ZNF735: variants seen among roughly 807,000 people sequenced by gnomAD.
ZNF735 encodes the protein zinc finger protein 735.
ZNF735 carries 11 observed loss-of-function variants against 13.4 expected under a neutral mutation model. That is an observed-to-expected ratio of 0.82 (90% CI 0.52 to 1.36). The LOEUF (loss-of-function observed/expected upper bound fraction) is 1.36. Ranked by LOEUF, ZNF735 falls within the 40% of genes most tolerant of loss-of-function variation. ZNF735 has a pLI of 0.00. For missense variants in ZNF735, 500 were observed against 484.6 expected (o/e 1.03, Z -0.30); for synonymous variants, 171 against 162.6 (o/e 1.05, Z -0.39).
intron 1 of ZNF735, among the ~76,000 whole-genome samples, chr7:64,211,008 C>G (rs1787353810): frequency 6.6e-6 from 1 of 152,118 alleles, no homozygotes; most frequent in Non-Finnish European, 1.5e-5. Context: ...GTCCACTCTG[C>G]CTTTTGGAAT....
intron 3 of ZNF735, 74 bp downstream of exon 3, chr7:64,214,182 T>A: frequency 1.3e-6 from 2 of 1,489,304 alleles, no homozygotes; most frequent in Non-Finnish European, 1.8e-6. Context: ...GTCTTTAAAA[T>A]GTGGTCTGCA....
At chr7:64,218,822 A>G (rs978242097) in intron 3 of ZNF735, among the ~76,000 whole-genome samples, 2 of 152,142 alleles carry the variant, frequency 1.3e-5, no homozygotes, top group Non-Finnish European at 2.9e-5. Context: ...AGTCTTGCAA[A>G]CATGTTCTCA....
chr7:64,219,547 T>C (rs1787461813), exon 4 of ZNF735: 1 of 1,590,898 alleles, frequency 6.3e-7, no homozygotes. Flanking sequence ...TGTCAAAGTC[T>C]TCAGTAAATT....
At chr7:64,213,833 C>T (rs1787388576) in intron 2 of ZNF735, among the ~76,000 whole-genome samples, 180 bp from the exon 3 acceptor site, 1 of 152,008 alleles carries the variant, frequency 6.6e-6, no homozygotes, top group African/African-American at 2.4e-5. Context: ...GTGGTATGTG[C>T]CTGTAGTCCC....
At chr7:64,212,355 A>C (rs1165709200) in intron 1 of ZNF735, among the ~76,000 whole-genome samples, 1 of 152,196 alleles carries the variant, frequency 6.6e-6, no homozygotes, top group African/African-American at 2.4e-5. Flanking sequence ...TTTATCCCAA[A>C]TCTCCTGAAA....
intron 1 of ZNF735, among the ~76,000 whole-genome samples, chr7:64,210,592 A>G (rs754093999): frequency 2.6e-5 from 4 of 152,186 alleles, no homozygotes; most frequent in Non-Finnish European, 5.9e-5. Flanking sequence ...CTTTGCATCA[A>G]AGGAAGGCTG....
intron 1 of ZNF735, among the ~76,000 whole-genome samples, chr7:64,208,467 G>C (rs948075947): frequency 6.6e-6 from 1 of 151,788 alleles, no homozygotes; most frequent in African/African-American, 2.4e-5. Context: ...ACGTTGGCCA[G>C]GTTGGTCTCG....
chr7:64,209,184 G>A (rs969566344), intron 1 of ZNF735, among the ~76,000 whole-genome samples: 14 of 149,388 alleles, frequency 9.4e-5, no homozygotes, highest in Non-Finnish European at 1.3e-4. Context: ...CACCAGCAGC[G>A]TATAAGCATT....
In ZNF735 at chr7:64,219,312, A is replaced by G; in HGVS notation, c.263-2A>G. 1 of 1,609,200 alleles carries G rather than the reference A, an allele frequency of 6.2e-7. No individual in the cohort carries two copies. Among genetic ancestry groups the G allele is most frequent in the Non-Finnish European group, 8.5e-7 (1 of 1,178,744 alleles). On this transcript the variant is annotated splice_acceptor_variant, in intron 3 of 3. Transcript: ENST00000429565. LOFTEE classifies it high-confidence loss of function. ...GTAACTTGTGATTTTTATGTCTTTC[A>G]GTTACATGTTCTCATTTCAACCAAG...
chr7:64,212,265 C>A (rs1233570986), intron 1 of ZNF735, among the ~76,000 whole-genome samples: 1 of 152,166 alleles, frequency 6.6e-6, no homozygotes, highest in Non-Finnish European at 1.5e-5. Flanking sequence ...ACCCAGACTG[C>A]CACTTACTGG....
intron 2 of ZNF735, among the ~76,000 whole-genome samples, 190 bp from the exon 3 acceptor site, chr7:64,213,823 G>T (rs549711617): frequency 6.6e-6 from 1 of 152,208 alleles, no homozygotes; most frequent in African/African-American, 2.4e-5. Flanking sequence ...GCTGGGCGTG[G>T]TGGTATGTGC....
intron 3 of ZNF735, among the ~76,000 whole-genome samples, chr7:64,217,062 A>C (rs1010409874): frequency 3.3e-5 from 5 of 152,238 alleles, no homozygotes; most frequent in Non-Finnish European, 7.4e-5. Flanking sequence ...TCAAAATCTC[A>C]TGTTGAAATG....
At position 64,219,965 on chromosome 7, in the gene ZNF735, C is replaced by G. The variant is rs557277090; in HGVS notation, c.914C>G (p.Ala305Gly). 3.6e-5 allele frequency: 58 copies of G among 1,613,910 alleles called. No homozygotes were observed. The African/African-American group carries it at 6.5e-4, about 18-fold the overall frequency. Reference sequence around the variant, plus strand: ...TACAAATGTGAAGAATGTGGCAAAGCCTTTAGCGTATCCTCAGCCCTCATT... The same window carrying G: ...TACAAATGTGAAGAATGTGGCAAAGGCTTTAGCGTATCCTCAGCCCTCATT... Residue 305 changes from alanine to glycine, a missense_variant, in exon 4 of 4, where the codon GCC becomes GGC. Coordinates refer to ENST00000429565, the Ensembl canonical transcript of ZNF735.
chr7:64,217,516 G>C (rs6970979), intron 3 of ZNF735, among the ~76,000 whole-genome samples: 3 of 151,658 alleles, frequency 2.0e-5, no homozygotes, highest in Non-Finnish European at 2.9e-5. Flanking sequence ...ATTATTGAAA[G>C]TGAGGTCTTA....
chr7:64,213,324 T>G, intron 2 of ZNF735, 106 bp downstream of exon 2: 1 of 1,151,442 alleles, frequency 8.7e-7, no homozygotes. Context: ...GCTCTCCGAT[T>G]TAAAGAAAAT....
chr7:64,219,316 A>G (rs1477215448), exon 4 of ZNF735: 1 of 1,610,972 alleles, frequency 6.2e-7, no homozygotes, highest in Non-Finnish European at 8.5e-7. Context: ...TCTTTCAGTT[A>G]CATGTTCTCA....
intron 1 of ZNF735, among the ~76,000 whole-genome samples, chr7:64,209,515 C>T (rs545064309): frequency 7.2e-5 from 11 of 152,048 alleles, no homozygotes; most frequent in Admixed American, 4.6e-4. Context: ...GTAGTAGAGA[C>T]GGGGTTTCAC....
chr7:64,213,940 CAG>C, intron 2 of ZNF735, 71 bp from the exon 3 acceptor site: 1 of 1,347,046 alleles, frequency 7.4e-7, no homozygotes, highest in Non-Finnish European at 9.8e-7. Flanking sequence ...GCCTGAGCGA[CAG>C]AGTGAGACTC....
At chr7:64,208,492 G>A (rs1049086130) in intron 1 of ZNF735, among the ~76,000 whole-genome samples, 1 of 151,818 alleles carries the variant, frequency 6.6e-6, no homozygotes, top group Non-Finnish European at 1.5e-5. Context: ...TTTGACCTCA[G>A]GTGATCTGCC....
Sources: gnomAD v4.1 joint callset for allele counts (sites outside exome capture counted in the v4.1 genomes callset) on GRCh38, gnomAD v4.1.1 for gene constraint, MANE v1.5 for transcripts, NCBI Gene and HGNC (gene_info 2026-07-23, HGNC 2026-07-21) for gene names.